Variants in ZNF469 observed in about 807,000 individuals in gnomAD.
ZNF469 encodes zinc finger protein 469.
Under a neutral mutation model 1.0 loss-of-function variants are expected in ZNF469, and 1 was observed. The observed-to-expected ratio is 1.00, with a 90% confidence interval of 0.35 to 4.73. The LOEUF (loss-of-function observed/expected upper bound fraction) is 4.73, where lower values mean the gene tolerates loss of function less well. Among genes scored for constraint, ZNF469 ranks in the 30% most tolerant of loss-of-function variants. The pLI, the probability that ZNF469 is intolerant of heterozygous loss-of-function variation, is 0.16. For synonymous variants in ZNF469, 2,703 were observed against 2,363.4 expected (o/e 1.14, Z -4.17); for missense variants, 6,100 against 5,356.3 (o/e 1.14, Z -4.33).
chr16:88,394,096 A>T (rs71394088), intron 1 of ZNF469, among the ~76,000 whole-genome samples: 21,825 of 93,998 alleles, frequency 0.23, 4,648 homozygotes, highest in Middle Eastern at 0.28. Context: ...GTTTGACACG[A>T]CTACACCTGC....
the ZNF469 span, among the ~76,000 whole-genome samples, chr16:88,127,788 C>A: frequency 6.6e-6 from 1 of 152,178 alleles, no homozygotes; most frequent in Non-Finnish European, 1.5e-5. Flanking sequence ...ACAACAGGAA[C>A]TGTGTTTAGA....
rs760217531 is a variant in ZNF469 at position 88,435,955 on chromosome 16, G to A, written c.8485G>A (p.Gly2829Ser). 21 of 1,549,996 alleles carry A rather than the reference G, an allele frequency of 1.4e-5. No individual in the cohort carries two copies. The African/African-American group carries it at 2.3e-4, about 17-fold the overall frequency. Reference protein sequence around the residue: ...QGLPDNPDTQGGVQGPEGPTP... With the variant: ...QGLPDNPDTQSGVQGPEGPTP... ...CCTCCCGGACAACCCAGACACCCAGGGTGGAGTCCAGGGGCCTGAAGGCCC... is the reference window on the plus strand; with the variant it reads ...CCTCCCGGACAACCCAGACACCCAGAGTGGAGTCCAGGGGCCTGAAGGCCC... Residue 2829 changes from glycine (G) to serine (S), a missense_variant, in exon 3 of 3, where the codon GGT becomes AGT. By Grantham distance (56) the Gly-to-Ser change is moderately conservative. Coordinates refer to ENST00000565624, the MANE Select transcript of ZNF469 (RefSeq NM_001367624.2).
At chr16:88,102,836 C>T in the ZNF469 span, among the ~76,000 whole-genome samples, 7 of 152,354 alleles carry the variant, frequency 4.6e-5, no homozygotes, top group South Asian at 2.1e-4. Flanking sequence ...CTCCATCCGC[C>T]GGGACCTGGC....
chr16:88,191,953 T>A, the ZNF469 span, among the ~76,000 whole-genome samples: 5 of 152,206 alleles, frequency 3.3e-5, no homozygotes, highest in East Asian at 7.7e-4. Context: ...CGTGATGGTA[T>A]TTGGAGGGGG....
At chr16:88,249,715 C>T in the ZNF469 span, among the ~76,000 whole-genome samples, 1 of 151,956 alleles carries the variant, frequency 6.6e-6, no homozygotes, top group Non-Finnish European at 1.5e-5. Context: ...GGATTACAGG[C>T]GTGAGCCACC....
the ZNF469 span, among the ~76,000 whole-genome samples, chr16:88,126,301 T>C: frequency 1.3e-5 from 2 of 150,394 alleles, no homozygotes; most frequent in African/African-American, 2.5e-5. Flanking sequence ...TTATTGTTTG[T>C]TTCTGTCTTT....
At chr16:88,319,766 C>T in the ZNF469 span, among the ~76,000 whole-genome samples, 1 of 152,234 alleles carries the variant, frequency 6.6e-6, no homozygotes, top group African/African-American at 2.4e-5. Flanking sequence ...GGCCCCCAGG[C>T]CTCCCTGCAG....
At chr16:88,290,710 G>T in the ZNF469 span, among the ~76,000 whole-genome samples, 3 of 152,168 alleles carry the variant, frequency 2.0e-5, no homozygotes, top group East Asian at 1.9e-4. Flanking sequence ...TGCCCAATCT[G>T]GTTCTGCCCA....
the ZNF469 span, among the ~76,000 whole-genome samples, chr16:88,211,000 G>A: frequency 6.6e-6 from 1 of 152,254 alleles, no homozygotes; most frequent in Admixed American, 6.5e-5. Context: ...CAGGAGAACC[G>A]ATGCCTTCGG....
chr16:88,128,194 C>T, the ZNF469 span, among the ~76,000 whole-genome samples: 1 of 151,854 alleles, frequency 6.6e-6, no homozygotes, highest in African/African-American at 2.4e-5. Context: ...GGATGGGTGG[C>T]CCCTCTCGAG....
At chr16:88,346,305 C>T in the ZNF469 span, among the ~76,000 whole-genome samples, 2 of 152,158 alleles carry the variant, frequency 1.3e-5, no homozygotes, top group Non-Finnish European at 2.9e-5. Context: ...ACCACGAGGC[C>T]CTGCGAGTGT....
At chr16:88,166,737 C>T in the ZNF469 span, among the ~76,000 whole-genome samples, 40 of 149,436 alleles carry the variant, frequency 2.7e-4, no homozygotes, top group African/African-American at 9.2e-4. This position sits in a 1 kb window ranked among gnomAD's most constrained non-coding sequence, Gnocchi z 4.5. Flanking sequence ...TTTCCTACTC[C>T]GTGGATCAGG....
the ZNF469 span, among the ~76,000 whole-genome samples, chr16:88,317,549 G>A: frequency 2.0e-5 from 3 of 152,174 alleles, no homozygotes; most frequent in Non-Finnish European, 4.4e-5. Context: ...GCATTCTCCC[G>A]ACCTGGTGCA....
At chr16:88,284,134 AC>A in the ZNF469 span, among the ~76,000 whole-genome samples, 84 of 122,250 alleles carry the variant, frequency 6.9e-4, 17 homozygotes, top group African/African-American at 4.5e-3. Flanking sequence ...AGGCTGGTAG[AC>A]CCCCAGTGTG....
the ZNF469 span, among the ~76,000 whole-genome samples, chr16:88,335,683 G>A: frequency 3.3e-5 from 5 of 152,222 alleles, no homozygotes; most frequent in African/African-American, 9.6e-5. Context: ...TGAGAGCCTC[G>A]ATAAGCATCG....
At chr16:88,331,872 T>A in the ZNF469 span, among the ~76,000 whole-genome samples, 1 of 152,250 alleles carries the variant, frequency 6.6e-6, no homozygotes, top group Admixed American at 6.5e-5. Flanking sequence ...ATTATTCATT[T>A]TTCCTTTTCT....
the ZNF469 span, among the ~76,000 whole-genome samples, chr16:88,130,939 G>A: frequency 2.0e-5 from 3 of 152,322 alleles, no homozygotes; most frequent in African/African-American, 4.8e-5. Flanking sequence ...CGGAAGTGGC[G>A]TCCCGATGAG....
chr16:88,296,775 A>T, the ZNF469 span, among the ~76,000 whole-genome samples: 1 of 152,092 alleles, frequency 6.6e-6, no homozygotes, highest in South Asian at 2.1e-4. Flanking sequence ...GCACACACAC[A>T]TGCACACATG....
the ZNF469 span, among the ~76,000 whole-genome samples, chr16:88,183,947 C>A: frequency 2.6e-5 from 4 of 151,944 alleles, no homozygotes; most frequent in African/African-American, 9.7e-5. Context: ...GAGCCACTCG[C>A]GTCTTCCTGG....
Sources: allele counts gnomAD v4.1 joint callset (sites outside exome capture counted in the v4.1 genomes callset), GRCh38; gene constraint gnomAD v4.1.1; non-coding constraint Gnocchi (gnomAD v3.1); transcripts MANE v1.5; gene names NCBI Gene and HGNC (gene_info 2026-07-23, HGNC 2026-07-21).